The following FUT9 variants were observed in gnomAD, a reference collection of about 807,000 sequenced individuals.
FUT9 encodes the protein fucosyltransferase 9.
A neutral mutation model predicts 29.7 loss-of-function variants in FUT9; 15 were observed. The observed-to-expected ratio is 0.51, with a 90% CI of 0.34 to 0.78. The LOEUF (loss-of-function observed/expected upper bound fraction) is 0.78. FUT9 is among the 30% of genes least tolerant of loss of function. The pLI is 0.01. For synonymous variants in FUT9, 169 were observed against 153.7 expected, an observed-to-expected ratio of 1.10 and a Z score of -0.74; for missense variants, 319 against 425.4, an observed-to-expected ratio of 0.75 and a Z score of 2.20.
intron 1 of FUT9, among the ~76,000 whole-genome samples, chr6:96,097,642 A>G (rs1037995592): frequency 8.5e-5 from 13 of 152,160 alleles, no homozygotes; most frequent in African/African-American, 3.1e-4. Context: ...ACAATAACAA[A>G]TAAAATCTTT....
chr6:96,150,994 C>T (rs576279326), intron 2 of FUT9, among the ~76,000 whole-genome samples: 1 of 152,194 alleles, frequency 6.6e-6, no homozygotes, highest in East Asian at 1.9e-4. Flanking sequence ...TTATCTTTAT[C>T]AACGTGGCTA....
intron 1 of FUT9, among the ~76,000 whole-genome samples, chr6:96,028,690 T>C (rs1250429617): frequency 6.6e-6 from 1 of 151,484 alleles, no homozygotes; most frequent in Non-Finnish European, 1.5e-5. Flanking sequence ...AAATAGACAA[T>C]TAGCAAGTGA....
intron 1 of FUT9, among the ~76,000 whole-genome samples, chr6:96,067,154 A>G (rs908358747): frequency 6.7e-6 from 1 of 149,048 alleles, no homozygotes; most frequent in Non-Finnish European, 1.5e-5. Flanking sequence ...ATATATTTAT[A>G]TATTTATTAG....
At chr6:96,049,498 T>A (rs1330068591) in intron 1 of FUT9, among the ~76,000 whole-genome samples, 3 of 152,198 alleles carry the variant, frequency 2.0e-5, no homozygotes. Flanking sequence ...ATCTTCCACA[T>A]CTCCTATGAG....
intron 1 of FUT9, among the ~76,000 whole-genome samples, chr6:96,111,344 G>T (rs953003972): frequency 6.6e-6 from 1 of 152,110 alleles, no homozygotes; most frequent in Admixed American, 6.5e-5. Flanking sequence ...ATCATTATTT[G>T]ACTGGCTTGG....
At chr6:96,055,017 T>G (rs1770736716) in intron 1 of FUT9, among the ~76,000 whole-genome samples, 1 of 152,162 alleles carries the variant, frequency 6.6e-6, no homozygotes, top group African/African-American at 2.4e-5. Flanking sequence ...GCCCCTTGAT[T>G]TAGTAATGAA....
chr6:96,126,053 C>T (rs76543851), intron 2 of FUT9, among the ~76,000 whole-genome samples: 128 of 152,292 alleles, frequency 8.4e-4, no homozygotes, highest in African/African-American at 2.8e-3. Context: ...ATGCCTCCCT[C>T]CTCTTCTACC....
At chr6:96,092,362 G>A (rs978367434) in intron 1 of FUT9, among the ~76,000 whole-genome samples, 1 of 152,006 alleles carries the variant, frequency 6.6e-6, no homozygotes, top group African/African-American at 2.4e-5. Flanking sequence ...TCTATATTAT[G>A]TATTCTGATA....
intron 1 of FUT9, among the ~76,000 whole-genome samples, chr6:96,044,385 C>T (rs1156278612): frequency 6.6e-6 from 1 of 152,158 alleles, no homozygotes; most frequent in East Asian, 1.9e-4. Context: ...TTTACAATTG[C>T]TCAGATTTGA....
chr6:96,190,538 G>A (rs999366525), intron 2 of FUT9, among the ~76,000 whole-genome samples: 2 of 152,220 alleles, frequency 1.3e-5, no homozygotes, highest in Admixed American at 6.5e-5. Flanking sequence ...TCACTTTCAC[G>A]TATACCAATC....
chr6:96,139,517 C>G (rs1187489484), intron 2 of FUT9, among the ~76,000 whole-genome samples: 1 of 152,198 alleles, frequency 6.6e-6, no homozygotes, highest in Non-Finnish European at 1.5e-5. Flanking sequence ...TGGGGACACT[C>G]TGTGTGGGGG....
At chr6:96,140,349 C>T (rs933412346) in intron 2 of FUT9, among the ~76,000 whole-genome samples, 1 of 152,138 alleles carries the variant, frequency 6.6e-6, no homozygotes, top group Non-Finnish European at 1.5e-5. Context: ...GTCTATAGGA[C>T]GTTACAAACT....
At chr6:96,135,022 G>C (rs201391433) in intron 2 of FUT9, among the ~76,000 whole-genome samples, 4 of 68,536 alleles carry the variant, frequency 5.8e-5, no homozygotes, top group Non-Finnish European at 1.9e-4. Context: ...ATTTCAAAAA[G>C]GTGCAGGTTG....
chr6:96,030,463 A>C (rs1466570308), intron 1 of FUT9, among the ~76,000 whole-genome samples: 1 of 151,582 alleles, frequency 6.6e-6, no homozygotes, highest in Non-Finnish European at 1.5e-5. Context: ...AAACAAACAA[A>C]ATCATGACCT....
chr6:96,083,292 C>T (rs1187059841), intron 1 of FUT9, among the ~76,000 whole-genome samples: 1 of 152,036 alleles, frequency 6.6e-6, no homozygotes, highest in East Asian at 1.9e-4. Flanking sequence ...GATAAGGGCT[C>T]TGTCTTTCTC....
intron 2 of FUT9, among the ~76,000 whole-genome samples, chr6:96,136,375 C>G (rs1297397616): frequency 1.3e-5 from 2 of 151,942 alleles, no homozygotes; most frequent in Admixed American, 1.3e-4. Context: ...TCAAAACTAT[C>G]TAAAGAGGTT....
chr6:96,178,769 T>C (rs1426875045), intron 2 of FUT9, among the ~76,000 whole-genome samples: 1 of 152,168 alleles, frequency 6.6e-6, no homozygotes, highest in African/African-American at 2.4e-5. Context: ...TCTAAGGGTC[T>C]TCTTTACCTA....
Position 96,050,236 on chromosome 6 carries a change from G to A in FUT9, c.-98+34024G>A, listed in dbSNP as rs141714595. Among the ~76,000 whole-genome samples, 583 of 152,248 alleles carry A rather than the reference G, an allele frequency of 3.8e-3. 4 individuals are homozygous for A. Among genetic ancestry groups the A allele is most frequent in the African/African-American group, 0.013 (554 of 41,520 alleles). ...GACCCTTCTGAGAGCAGGGACCTGT[G>A]TGAATGCACAGGTCACACACCCATC... On this transcript the variant is annotated intron_variant, in intron 1 of 2. Coordinates refer to ENST00000302103, the MANE Select transcript of FUT9 (RefSeq NM_006581.4).
intron 1 of FUT9, among the ~76,000 whole-genome samples, chr6:96,041,962 T>A (rs1770468825): frequency 6.6e-6 from 1 of 152,258 alleles, no homozygotes; most frequent in African/African-American, 2.4e-5. Flanking sequence ...TTTTTGCAAC[T>A]AATGATGCTT....
Sources: allele counts gnomAD v4.1 joint callset (sites outside exome capture counted in the v4.1 genomes callset), GRCh38; gene constraint gnomAD v4.1.1; transcripts MANE v1.5; gene names NCBI Gene and HGNC (gene_info 2026-07-23, HGNC 2026-07-21).